Variants in LDB3 observed in about 807,000 individuals in gnomAD.
LDB3 encodes the protein LIM domain binding 3, also known as LIM domain-binding protein 3.
Under a neutral mutation model 69.0 loss-of-function variants are expected in LDB3, and 49 were observed. That is an observed-to-expected ratio of 0.71 (90% CI 0.56 to 0.90). The LOEUF (loss-of-function observed/expected upper bound fraction) is 0.90. Among genes scored for constraint, LDB3 ranks in the 40% least tolerant of loss-of-function variants. The pLI is 0.00. For synonymous variants in LDB3, 387 were observed against 396.2 expected (o/e 0.98, Z 0.28); for missense variants, 928 against 974.1 (o/e 0.95, Z 0.63).
intron 10 of LDB3, among the ~76,000 whole-genome samples, chr10:86,717,422 G>T (rs1358058435): frequency 6.6e-6 from 1 of 152,240 alleles, no homozygotes; most frequent in African/African-American, 2.4e-5. Flanking sequence ...TAGTCCCACT[G>T]TTCTGACTGC....
At chr10:86,717,560 C>T (rs1311645133) in intron 10 of LDB3, among the ~76,000 whole-genome samples, 2 of 152,186 alleles carry the variant, frequency 1.3e-5, no homozygotes, top group African/African-American at 4.8e-5. Context: ...TATAATAGTA[C>T]CTAGTGCGTA....
chr10:86,676,564 C>CA (rs71487272), intron 2 of LDB3, among the ~76,000 whole-genome samples: 4,126 of 109,650 alleles, frequency 0.038, 136 homozygotes, highest in Non-Finnish European at 0.056. Flanking sequence ...GACCCTGTCT[C>CA]AAAAAAAAAA....
chr10:86,711,204 C>T (rs1846642386), intron 9 of LDB3, among the ~76,000 whole-genome samples: 2 of 152,178 alleles, frequency 1.3e-5, no homozygotes. Context: ...CCGTCTCTTC[C>T]TGGGGAGGCG....
At chr10:86,679,655 C>A in intron 3 of LDB3, 137 bp downstream of exon 3, 1 of 1,008,686 alleles carries the variant, frequency 9.9e-7, no homozygotes, top group Non-Finnish European at 1.5e-6. Context: ...ATAAGGACAG[C>A]CCTGGGCCAG....
intron 8 of LDB3, among the ~76,000 whole-genome samples, chr10:86,707,364 A>G (rs1003857814): frequency 6.6e-6 from 1 of 152,060 alleles, no homozygotes; most frequent in Middle Eastern, 3.2e-3. Flanking sequence ...CACTTATTAT[A>G]TAGAATTATG....
chr10:86,693,083 T>TG (rs1005998822), intron 7 of LDB3, among the ~76,000 whole-genome samples: 51 of 145,514 alleles, frequency 3.5e-4, no homozygotes, highest in African/African-American at 1.1e-3. Flanking sequence ...AAATAGTTGC[T>TG]GAAAAAAAAA....
chr10:86,732,848 T>C (rs761318622), intron 13 of LDB3, 39 bp from the exon 14 acceptor site: 1 of 1,525,632 alleles, frequency 6.6e-7, no homozygotes, highest in Non-Finnish European at 9.1e-7. Context: ...TCATGCCCTG[T>C]GCCACGTGGG....
intron 5 of LDB3, among the ~76,000 whole-genome samples, chr10:86,691,145 T>C (rs1372023147): frequency 6.6e-6 from 1 of 152,152 alleles, no homozygotes; most frequent in Non-Finnish European, 1.5e-5. Context: ...CTGGCTCTGA[T>C]GTAGGATTTG....
intron 7 of LDB3, among the ~76,000 whole-genome samples, chr10:86,698,768 C>A (rs894972280): frequency 1.3e-5 from 2 of 152,138 alleles, no homozygotes; most frequent in Non-Finnish European, 2.9e-5. Context: ...GCCAGGGCAG[C>A]ACAGGGAAGG....
chr10:86,723,695 C>T (rs866317239), intron 12 of LDB3, among the ~76,000 whole-genome samples: 3 of 152,146 alleles, frequency 2.0e-5, no homozygotes, highest in Admixed American at 1.3e-4. Flanking sequence ...GGAAGCAGAA[C>T]GATGTTTTCT....
At chr10:86,687,385 A>G (rs1224405177) in intron 5 of LDB3, 110 of 1,082,494 alleles carry the variant, frequency 1.0e-4, no homozygotes, top group Non-Finnish European at 2.8e-5. Context: ...TCCTGGAGGC[A>G]TGGCCCTTGG....
intron 2 of LDB3, among the ~76,000 whole-genome samples, chr10:86,676,587 A>G (rs1589613067): frequency 1.2e-5 from 1 of 86,764 alleles, no homozygotes; most frequent in Non-Finnish European, 2.1e-5. Context: ...AAAGAGAAAG[A>G]AAAAAAAAAA....
intron 5 of LDB3, among the ~76,000 whole-genome samples, chr10:86,684,047 C>G (rs1402702985): frequency 1.3e-5 from 2 of 152,256 alleles, no homozygotes; most frequent in Admixed American, 1.3e-4. Flanking sequence ...CCGCTACTCT[C>G]TCCTCTGGGC....
intron 3 of LDB3, 70 bp downstream of exon 3, chr10:86,679,588 G>T (rs886193081): frequency 4.5e-6 from 7 of 1,553,768 alleles, no homozygotes; most frequent in Non-Finnish European, 5.3e-6. Flanking sequence ...CCAAAAGAGG[G>T]ATTGTCCCAT....
chr10:86,711,067 T>C (rs1006897198), intron 9 of LDB3, among the ~76,000 whole-genome samples: 71 of 152,184 alleles, frequency 4.7e-4, no homozygotes, highest in African/African-American at 1.6e-3. Context: ...TGAAAAGCCT[T>C]AGATGGAGCA....
At chr10:86,673,941 G>A (rs561151394) in intron 2 of LDB3, among the ~76,000 whole-genome samples, 6 of 152,290 alleles carry the variant, frequency 3.9e-5, no homozygotes, top group East Asian at 1.9e-4. Context: ...GCATGGGTGC[G>A]TCTGAAGCCT....
At chr10:86,710,678 C>T (rs1325837470) in intron 9 of LDB3, among the ~76,000 whole-genome samples, 1 of 152,234 alleles carries the variant, frequency 6.6e-6, no homozygotes, top group African/African-American at 2.4e-5. Flanking sequence ...CCTATCCAGG[C>T]GCAGGGAGAA....
rs373632943 is a variant in LDB3, at chr10:86,687,235, G to A, written c.690-4661G>A. The A allele has an allele frequency of 1.9e-4, 310 of 1,614,052 alleles. 2 individuals carry two copies. The highest frequency in any genetic ancestry group is 1.2e-3 in the Middle Eastern group (7 of 6,084). On this transcript the variant is annotated intron_variant, in intron 5 of 13. Coordinates refer to ENST00000361373, the MANE Select transcript of LDB3 (RefSeq NM_007078.3). ...CCAGGATGCCATCATGGATGCCATC[G>A]CTGGGCAGGCCCAAGCCCAAGGCAG...
intron 2 of LDB3, among the ~76,000 whole-genome samples, chr10:86,675,873 G>A (rs572885972): frequency 6.6e-6 from 1 of 152,356 alleles, no homozygotes; most frequent in Admixed American, 6.5e-5. Context: ...ATCACATAGA[G>A]GAGTAGGGAA....
Sources: gnomAD v4.1 joint callset for allele counts (sites outside exome capture counted in the v4.1 genomes callset) on GRCh38, gnomAD v4.1.1 for gene constraint, MANE v1.5 for transcripts, NCBI Gene and HGNC (gene_info 2026-07-23, HGNC 2026-07-21) for gene names.